The following CAMKMT variants were observed in gnomAD, a reference collection of about 807,000 sequenced individuals.
CAMKMT encodes the protein calmodulin-lysine N-methyltransferase.
A neutral mutation model predicts 48.0 loss-of-function variants in CAMKMT; 53 were observed. That is an observed-to-expected ratio of 1.10 (90% CI 0.89 to 1.39). The LOEUF (loss-of-function observed/expected upper bound fraction) is 1.39, where lower values mean the gene tolerates loss of function less well. Among genes scored for constraint, CAMKMT ranks in the 40% most tolerant of loss-of-function variants. CAMKMT has a pLI of 0.00. For synonymous variants in CAMKMT, 165 were observed against 152.3 expected, an observed-to-expected ratio of 1.08 and a Z score of -0.61; for missense variants, 428 against 402.7, an observed-to-expected ratio of 1.06 and a Z score of -0.54.
chr2:44,540,753 A>G lies in CAMKMT; in HGVS notation c.376+150448A>G, dbSNP rs889523285. 4.5e-4 allele frequency among the ~76,000 whole-genome samples: 68 copies of G among 152,246 alleles called. 1 individual carries two copies. The highest frequency in any genetic ancestry group is 9.6e-5 in the African/African-American group (4 of 41,470). On this transcript the variant is annotated intron_variant, in intron 3 of 10. Coordinates refer to ENST00000378494, the MANE Select transcript of CAMKMT (RefSeq NM_024766.5). ...GCAACACAGCAAGACCCTATCTCAA[A>G]AAAGAAACTCAGATATGGGTTCTAG...
chr2:44,453,702 G>A (rs977153113), intron 3 of CAMKMT, among the ~76,000 whole-genome samples: 2 of 151,808 alleles, frequency 1.3e-5, no homozygotes, highest in African/African-American at 4.8e-5. Context: ...TGTGGAGAGG[G>A]GCAGATGTTA....
At chr2:44,428,244 A>T (rs530114519) in intron 3 of CAMKMT, among the ~76,000 whole-genome samples, 1 of 152,272 alleles carries the variant, frequency 6.6e-6, no homozygotes, top group East Asian at 1.9e-4. Flanking sequence ...AGCAGGATGG[A>T]GAGTTGGAAA....
At chr2:44,605,093 C>G (rs1167524557) in intron 3 of CAMKMT, among the ~76,000 whole-genome samples, 1 of 152,110 alleles carries the variant, frequency 6.6e-6, no homozygotes, top group Non-Finnish European at 1.5e-5. Flanking sequence ...GGTAATAATT[C>G]TGTTCTCTTC....
At chr2:44,443,057 G>A (rs1666769391) in intron 3 of CAMKMT, among the ~76,000 whole-genome samples, 1 of 152,116 alleles carries the variant, frequency 6.6e-6, no homozygotes, top group African/African-American at 2.4e-5. Context: ...TAGGAAATAC[G>A]TGTTTGAAGA....
intron 3 of CAMKMT, among the ~76,000 whole-genome samples, chr2:44,591,712 G>T (rs1191251665): frequency 6.6e-6 from 1 of 150,994 alleles, no homozygotes; most frequent in African/African-American, 2.4e-5. Flanking sequence ...CCCATTACTG[G>T]GTATATACCC....
At chr2:44,477,129 C>G (rs1234501015) in intron 3 of CAMKMT, among the ~76,000 whole-genome samples, 1 of 152,098 alleles carries the variant, frequency 6.6e-6, no homozygotes, top group Admixed American at 6.5e-5. Context: ...TATCTGCCTA[C>G]CTATGTATTT....
At chr2:44,701,806 G>A (rs924006255) in intron 3 of CAMKMT, among the ~76,000 whole-genome samples, 3 of 152,072 alleles carry the variant, frequency 2.0e-5, no homozygotes, top group African/African-American at 7.2e-5. Context: ...TTATTTTCTA[G>A]TAAAGCTATC....
chr2:44,417,914 C>T (rs753723396), intron 3 of CAMKMT, among the ~76,000 whole-genome samples: 5 of 152,040 alleles, frequency 3.3e-5, no homozygotes, highest in Non-Finnish European at 7.4e-5. Flanking sequence ...AGTTGTAGGC[C>T]GGGCATTGTG....
intron 3 of CAMKMT, among the ~76,000 whole-genome samples, chr2:44,466,321 A>G (rs758621675): frequency 3.9e-5 from 6 of 152,214 alleles, no homozygotes; most frequent in Non-Finnish European, 8.8e-5. Context: ...AAATCACTTT[A>G]TGTATTTTTT....
intron 3 of CAMKMT, among the ~76,000 whole-genome samples, chr2:44,585,568 A>T (rs1160927902): frequency 6.6e-6 from 1 of 152,218 alleles, no homozygotes; most frequent in African/African-American, 2.4e-5. Flanking sequence ...TGTCATGCAT[A>T]AATAATTGAA....
At chr2:44,430,222 A>G (rs1479017769) in intron 3 of CAMKMT, among the ~76,000 whole-genome samples, 2 of 152,084 alleles carry the variant, frequency 1.3e-5, no homozygotes, top group African/African-American at 4.8e-5. Context: ...TATGATCTCC[A>G]TCAACTGTAA....
rs556398824 is a variant in CAMKMT at position 44,389,081 on chromosome 2, G to A, written c.312-1160G>A. The stretch of plus-strand genomic sequence containing the variant: ...GGCCCTAGACCTCCCAAGAGTATAT[G>A]CCCTTTGTCTTCAGCTACCAGGCTG... On this transcript the variant is annotated intron_variant, in intron 2 of 10. Transcript: ENST00000378494. Among the ~76,000 whole-genome samples, 17 of 152,280 alleles carry A rather than the reference G, an allele frequency of 1.1e-4. 1 individual carries two copies. The South Asian group carries it at 3.5e-3, about 32-fold the overall frequency.
intron 3 of CAMKMT, among the ~76,000 whole-genome samples, chr2:44,521,207 A>ATAC (rs1225507950): frequency 6.6e-6 from 1 of 152,166 alleles, no homozygotes; most frequent in Non-Finnish European, 1.5e-5. Flanking sequence ...GCTCATGGTA[A>ATAC]TACTGTTTTC....
At chr2:44,725,993 C>T (rs1678762826) in intron 7 of CAMKMT, among the ~76,000 whole-genome samples, 1 of 152,184 alleles carries the variant, frequency 6.6e-6, no homozygotes, top group Non-Finnish European at 1.5e-5. Context: ...AACTGCCCCC[C>T]ACCTTCTAAT....
intron 3 of CAMKMT, among the ~76,000 whole-genome samples, chr2:44,470,706 T>C (rs1460188690): frequency 6.6e-6 from 1 of 152,218 alleles, no homozygotes; most frequent in East Asian, 1.9e-4. Context: ...ATGTCTGTTT[T>C]TTCCTTCTCC....
intron 3 of CAMKMT, among the ~76,000 whole-genome samples, chr2:44,517,533 T>C (rs1321183598): frequency 2.0e-5 from 3 of 152,188 alleles, no homozygotes; most frequent in Admixed American, 2.0e-4. Flanking sequence ...TCTGTCACTA[T>C]CTCAACAGGG....
intron 3 of CAMKMT, among the ~76,000 whole-genome samples, chr2:44,418,244 AGTCTTTT>A (rs1447500726): frequency 1.3e-5 from 2 of 151,864 alleles, no homozygotes; most frequent in Non-Finnish European, 1.5e-5. Context: ...TCTGAAGACA[AGTCTTTT>A]GTCAGGCATG....
chr2:44,569,272 C>G (rs1353099460), intron 3 of CAMKMT, among the ~76,000 whole-genome samples: 2 of 152,086 alleles, frequency 1.3e-5, no homozygotes, highest in Admixed American at 1.3e-4. Flanking sequence ...TGCAATATTT[C>G]TGCTTACATG....
chr2:44,640,671 T>C (rs892132120), intron 3 of CAMKMT, among the ~76,000 whole-genome samples: 3 of 152,352 alleles, frequency 2.0e-5, no homozygotes, highest in Admixed American at 1.3e-4. Context: ...TTACTATTAT[T>C]GGTGCTTTGC....
Sources: allele counts gnomAD v4.1 joint callset (sites outside exome capture counted in the v4.1 genomes callset), GRCh38; gene constraint gnomAD v4.1.1; transcripts MANE v1.5; gene names NCBI Gene and HGNC (gene_info 2026-07-23, HGNC 2026-07-21).